Variants in ANGEL1 observed in about 807,000 individuals in gnomAD.
ANGEL1 encodes the protein RNA 2',3'-cyclic phosphatase ANGEL1.
ANGEL1 carries 62 observed loss-of-function variants against 76.4 expected under a neutral mutation model. The ratio of observed to expected loss-of-function variants is 0.81; its 90% confidence interval spans 0.66 to 1.00. The LOEUF (loss-of-function observed/expected upper bound fraction) is 1.00. ANGEL1 is among the 50% of genes least tolerant of loss of function. The pLI, the probability that ANGEL1 is intolerant of heterozygous loss-of-function variation, is 0.00. For missense variants in ANGEL1, 737 were observed against 836.7 expected (o/e 0.88, Z 1.47); for synonymous variants, 340 against 331.7 (o/e 1.03, Z -0.27).
chr14:76,806,791 G>A lies in ANGEL1; in HGVS notation c.1005C>T (p.Cys335=), dbSNP rs1894931423. The part of the protein sequence containing the change: ...TGCKTDGCAV[C]YKPTRFRLLC... ...GCAGGCGGAATCTGGTAGGCTTGTA[G>A]CAGACAGCACAGCCATCGGTTTTAC... The change falls in exon 5 of 10, where the codon TGC becomes TGT. Residue 335 remains cysteine, a synonymous_variant. Transcript: ENST00000251089. 2.5e-6 allele frequency: 4 copies of A among 1,614,084 alleles called. No individual in the cohort carries two copies. The South Asian group carries it at 3.3e-5, about 13-fold the overall frequency.
In ANGEL1 at chr14:76,788,452, C is replaced by T. The variant is rs1420667257; in HGVS notation, c.*776G>A. On this transcript the variant is annotated 3_prime_UTR_variant, in exon 10 of 10. Coordinates refer to ENST00000251089, the MANE Select transcript of ANGEL1 (RefSeq NM_015305.4). Reference sequence around the variant, plus strand: ...GAAAGGGATGGCCCTTGTGAAATTACACCAGGTCTGTGGGGAGCTCTGGGT... The same window carrying T: ...GAAAGGGATGGCCCTTGTGAAATTATACCAGGTCTGTGGGGAGCTCTGGGT... The T allele has an allele frequency of 1.3e-5, 2 of 152,378 alleles. No homozygotes were observed. Among genetic ancestry groups the T allele is most frequent in the African/African-American group, 4.8e-5 (2 of 41,464 alleles). The allele number at this position is 152,378 out of a possible 1,614,324, so 9.4% of individuals were successfully genotyped here. A position where few individuals can be genotyped will look rare whatever the true frequency, so the allele number is the denominator to read the frequency against.
chr14:76,799,371 G>A (rs1455147510), intron 7 of ANGEL1, among the ~76,000 whole-genome samples: 1 of 127,144 alleles, frequency 7.9e-6, no homozygotes, highest in Non-Finnish European at 1.6e-5. Context: ...TCGGCTCACT[G>A]CAAGCTCTGC....
Position 76,791,314 on chromosome 14 carries a change from A to G in ANGEL1, c.1671T>C (p.Leu557=). The G allele has an allele frequency of 1.2e-6, 2 of 1,614,096 alleles. No individual in the cohort carries two copies. Among genetic ancestry groups the G allele is most frequent in the East Asian group, 2.2e-5 (1 of 44,874 alleles). The change falls in exon 8 of 10, where the codon CTT becomes CTC. Residue 557 remains leucine, a synonymous_variant. Transcript: ENST00000251089. ...AAGGTTACCTGGAGAAGGCAGGCTC[A>G]AGCTCCGATGCATCTTCCTCAAGGA... ...ESVLEEDASE[L]EPAFSRTVGT...
chr14:76,797,112 C>T (rs1350600138), intron 7 of ANGEL1, among the ~76,000 whole-genome samples: 2 of 152,220 alleles, frequency 1.3e-5, no homozygotes, highest in Non-Finnish European at 2.9e-5. Context: ...GCTACAGCCT[C>T]TTCCTGGGCC....
At chr14:76,804,268 A>T in intron 5 of ANGEL1, 1 of 1,309,124 alleles carries the variant, frequency 7.6e-7, no homozygotes, top group Non-Finnish European at 9.7e-7. Flanking sequence ...CAATGGTTAA[A>T]GGTTTATCCT....
At chr14:76,802,447 G>A (rs1356561727) in intron 7 of ANGEL1, among the ~76,000 whole-genome samples, 3 of 152,090 alleles carry the variant, frequency 2.0e-5, no homozygotes, top group Admixed American at 6.5e-5. Context: ...TTCAAGTAAC[G>A]GGAATTTTCT....
rs559109119 is a variant in ANGEL1 at position 76,789,730 on chromosome 14, C to T, written c.1853-342G>A. ...TTTTTTTTTAGATGGAGTCTTACTT[C>T]GTTGTCCAGGCTGGAGTGCAGTGGC... On this transcript the variant is annotated intron_variant, in intron 9 of 9. Transcript: ENST00000251089. 2.8e-3 allele frequency among the ~76,000 whole-genome samples: 405 copies of T among 146,290 alleles called. 6 individuals carry two copies. Among genetic ancestry groups the T allele is most frequent in the African/African-American group, 9.7e-3 (383 of 39,512 alleles).
Position 76,791,372 on chromosome 14 carries a change from G to A in ANGEL1, c.1619-6C>T. 1 of 1,613,658 alleles carries A rather than the reference G, an allele frequency of 6.2e-7. No homozygotes were observed. Among genetic ancestry groups the A allele is most frequent in the Non-Finnish European group, 8.5e-7 (1 of 1,179,806 alleles). ...AGCCCAACCCGCAGGTCGCTCTGCA[G>A]AGGACCAGAGAGAAAAACATTTTCT... On this transcript the variant is annotated splice_polypyrimidine_tract_variant and splice_region_variant and intron_variant, in intron 7 of 9. Transcript: ENST00000251089.
Position 76,809,111 on chromosome 14 carries a change from G to T in ANGEL1, c.597C>A (p.Pro199=). The change falls in exon 2 of 10, where the codon CCC becomes CCA. Residue 199 remains proline (P), a synonymous_variant. Coordinates refer to ENST00000251089, the MANE Select transcript of ANGEL1 (RefSeq NM_015305.4). ...PVPQEEASIW[P]FEGLGQLQPP... ...GCTGCAACTGCCCCAGGCCCTCAAAGGGCCAGATGGAAGCCTCTTCCTGGG... is the reference window on the plus strand; with the variant it reads ...GCTGCAACTGCCCCAGGCCCTCAAATGGCCAGATGGAAGCCTCTTCCTGGG... 1 of 1,614,106 alleles carries T rather than the reference G, an allele frequency of 6.2e-7. No individual in the cohort carries two copies. The highest frequency in any genetic ancestry group is 8.5e-7 in the Non-Finnish European group (1 of 1,179,978).
At position 76,807,971 on chromosome 14, in the gene ANGEL1, T is replaced by C; in HGVS notation, c.827A>G (p.Asn276Ser). ...LHCHPDILNWNYRFVNLMQEF... is the reference protein window; with the variant it reads ...LHCHPDILNWSYRFVNLMQEF... The stretch of plus-strand genomic sequence containing the variant: ...CTGCATGAGGTTCACGAAGCGATAG[T>C]TCCAATTGAGGATGTCTGGATGGCA... The change falls in exon 3 of 10, where the codon AAC becomes AGC. Residue 276 changes from asparagine to serine, a missense_variant. By Grantham distance (46) the Asn-to-Ser change is conservative. Coordinates refer to ENST00000251089, the MANE Select transcript of ANGEL1 (RefSeq NM_015305.4). The C allele has an allele frequency of 6.2e-7, 1 of 1,614,184 alleles. No individual in the cohort carries two copies. Among genetic ancestry groups the C allele is most frequent in the Non-Finnish European group, 8.5e-7 (1 of 1,180,036 alleles).
intron 3 of ANGEL1, 148 bp downstream of exon 3, chr14:76,807,774 A>G: frequency 1.2e-6 from 1 of 852,700 alleles, no homozygotes; most frequent in Non-Finnish European, 1.8e-6. Context: ...TCTGCCAACA[A>G]CTCACTGACA....
In ANGEL1 at chr14:76,806,858, A is replaced by G; in HGVS notation, c.947-9T>C. 1 of 1,608,396 alleles carries G rather than the reference A, an allele frequency of 6.2e-7. No homozygotes were observed. Among genetic ancestry groups the G allele is most frequent in the Non-Finnish European group, 8.5e-7 (1 of 1,176,644 alleles). ...GTAGAAACAGGTAAAGCCTGCAAGGAAAATCCCACCAAAGAGATGGGTCAG... is the reference window on the plus strand; with the variant it reads ...GTAGAAACAGGTAAAGCCTGCAAGGGAAATCCCACCAAAGAGATGGGTCAG... On this transcript the variant is annotated splice_polypyrimidine_tract_variant and intron_variant, in intron 4 of 9. Coordinates refer to ENST00000251089, the MANE Select transcript of ANGEL1 (RefSeq NM_015305.4).
chr14:76,809,577 T>C lies in ANGEL1; in HGVS notation c.131A>G (p.Asp44Gly), dbSNP rs748053270. 12 of 1,614,068 alleles carry C rather than the reference T, an allele frequency of 7.4e-6. No homozygotes were observed. The highest frequency in any genetic ancestry group is 1.0e-5 in the Non-Finnish European group (12 of 1,180,056). ...AGGGCCCCGAGGGGCCATGGCAAAG[T>C]CGCCCTCTACCTGGGGGGATGAGCT... ...ANSSSPQVEG[D>G]FAMAPRGPEQ... The change falls in exon 2 of 10, where the codon GAC becomes GGC. Residue 44 changes from aspartate to glycine, a missense_variant. Coordinates refer to ENST00000251089, the MANE Select transcript of ANGEL1 (RefSeq NM_015305.4).
At position 76,792,320 on chromosome 14, in the gene ANGEL1, A is replaced by G. The variant is rs375112278; in HGVS notation, c.1619-954T>C. On this transcript the variant is annotated intron_variant, in intron 7 of 9. Transcript: ENST00000251089. ...AATGGCTTCACTGGTGAATTCCAGC[A>G]AACATTTCAAGAGGAATTCATACAA... Among the ~76,000 whole-genome samples, 5 of 152,324 alleles carry G rather than the reference A, an allele frequency of 3.3e-5. No individual in the cohort carries two copies. In the East Asian group the frequency reaches 7.7e-4, roughly 23 times the overall value.
At position 76,791,317 on chromosome 14, in the gene ANGEL1, C is replaced by T. The variant is rs1230166401; in HGVS notation, c.1668G>A (p.Glu556=). 2.5e-6 allele frequency: 4 copies of T among 1,614,018 alleles called. No homozygotes were observed. In the African/African-American group the frequency reaches 5.3e-5, roughly 22 times the overall value. Reference sequence around the variant, plus strand: ...GTTACCTGGAGAAGGCAGGCTCAAGCTCCGATGCATCTTCCTCAAGGACAG... The same window carrying T: ...GTTACCTGGAGAAGGCAGGCTCAAGTTCCGATGCATCTTCCTCAAGGACAG... ...AESVLEEDAS[E]LEPAFSRTVG... Residue 556 remains glutamate (E), a synonymous_variant, in exon 8 of 10, where the codon GAG becomes GAA. Transcript: ENST00000251089.
chr14:76,789,355 A>G lies in ANGEL1; in HGVS notation c.1886T>C (p.Leu629Pro), dbSNP rs776041861. 1.9e-6 allele frequency: 3 copies of G among 1,614,172 alleles called. No homozygotes were observed. Among genetic ancestry groups the G allele is most frequent in the South Asian group, 1.1e-5 (1 of 91,080 alleles). ...HRLYRDGTLK[L>P]LGRLSLLSEE... ...AGAGAGAAGGGAGAGACGACCCAGG[A>G]GCTTGAGAGTTCCATCTCGATACAG... Residue 629 changes from leucine (L) to proline (P), a missense_variant, in exon 10 of 10, where the codon CTC becomes CCC. This residue lies in a region of ANGEL1 where 296 missense variants were observed against 387.2 expected (regional missense o/e 0.76). Transcript: ENST00000251089.
At position 76,803,889 on chromosome 14, in the gene ANGEL1, G is replaced by C. The variant is rs139691925; in HGVS notation, c.1404C>G (p.Ser468=). Residue 468 remains serine (S), a synonymous_variant, in exon 6 of 10, where the codon TCC becomes TCG. Coordinates refer to ENST00000251089, the MANE Select transcript of ANGEL1 (RefSeq NM_015305.4). The stretch of plus-strand genomic sequence containing the variant: ...GCAGCTTCCTCTGGTAAAGCTGATG[G>C]GAGAAGTCTTCCTGTCCAGATACCT... ...AWKVSGQEDF[S]HQLYQRKLQA... is the part of the protein sequence containing the mutation. 6.1e-5 allele frequency: 98 copies of C among 1,614,222 alleles called. No homozygotes were observed. The African/African-American group carries it at 1.2e-3, about 20-fold the overall frequency.
At chr14:76,812,335 GCCA>G in intron 1 of ANGEL1, 1 of 1,014,426 alleles carries the variant, frequency 9.9e-7, no homozygotes, top group Non-Finnish European at 1.2e-6. Flanking sequence ...CAGTACTTCG[GCCA>G]TAAACCTCCC....
chr14:76,801,380 G>A (rs1351611711), intron 7 of ANGEL1, among the ~76,000 whole-genome samples: 1 of 152,166 alleles, frequency 6.6e-6, no homozygotes, highest in African/African-American at 2.4e-5. Context: ...CCAAGATGCT[G>A]GGACTATAGG....
Sources: gnomAD v4.1 joint callset for allele counts (sites outside exome capture counted in the v4.1 genomes callset) on GRCh38, gnomAD v4.1.1 for gene constraint, gnomAD v4.1.1 regional missense constraint, MANE v1.5 for transcripts, NCBI Gene and HGNC (gene_info 2026-07-23, HGNC 2026-07-21) for gene names.